Variants in CNTNAP2 observed in about 807,000 individuals in gnomAD.
CNTNAP2 encodes the protein contactin-associated protein-like 2.
In CNTNAP2, 98 loss-of-function variants were observed where a neutral mutation model predicts 155.2. The ratio of observed to expected loss-of-function variants is 0.63; its 90% CI spans 0.54 to 0.75. CNTNAP2 has a LOEUF of 0.75. CNTNAP2 is among the 30% of genes least tolerant of loss of function. The probability of loss-of-function intolerance (pLI) is 0.00; values close to 1 mark genes in which losing one functional copy is unlikely to be tolerated. For synonymous variants in CNTNAP2, 651 were observed against 631.2 expected, an observed-to-expected ratio of 1.03 and a Z score of -0.47; for missense variants, 1,727 against 1,688.1, an observed-to-expected ratio of 1.02 and a Z score of -0.40.
intron 15 of CNTNAP2, among the ~76,000 whole-genome samples, chr7:148,112,959 T>A (rs1461033724): frequency 6.6e-6 from 1 of 152,140 alleles, no homozygotes; most frequent in Non-Finnish European, 1.5e-5. Flanking sequence ...AGGGAACTGC[T>A]TTTTGCTTTA....
intron 1 of CNTNAP2, among the ~76,000 whole-genome samples, chr7:146,325,777 A>G (rs1285720383): frequency 2.0e-5 from 3 of 152,186 alleles, no homozygotes; most frequent in Non-Finnish European, 4.4e-5. Flanking sequence ...TCAATAAAAA[A>G]AAACTTTAAC....
intron 13 of CNTNAP2, among the ~76,000 whole-genome samples, chr7:147,738,716 G>A (rs1796901859): frequency 6.8e-6 from 1 of 146,272 alleles, no homozygotes; most frequent in Non-Finnish European, 1.5e-5. Flanking sequence ...GTGCAGTGGT[G>A]CAATCTTGGG....
At chr7:146,692,572 T>G (rs575784997) in intron 1 of CNTNAP2, among the ~76,000 whole-genome samples, 6 of 152,288 alleles carry the variant, frequency 3.9e-5, no homozygotes, top group African/African-American at 1.2e-4. Flanking sequence ...TTGATTGTGG[T>G]TAACAAAGAA....
intron 6 of CNTNAP2, chr7:147,122,470 T>C (rs958488632): frequency 2.0e-5 from 3 of 152,224 alleles, no homozygotes; most frequent in African/African-American, 4.8e-5. Context: ...TTTTATTTCA[T>C]TCTTAAACAA....
At chr7:148,253,930 T>C (rs948999043) in intron 20 of CNTNAP2, among the ~76,000 whole-genome samples, 4 of 152,150 alleles carry the variant, frequency 2.6e-5, no homozygotes, top group African/African-American at 9.7e-5. Context: ...CTGAGGAACC[T>C]GCATCTAGCA....
chr7:147,146,871 T>A (rs1311140070), intron 8 of CNTNAP2: 1 of 152,212 alleles, frequency 6.6e-6, no homozygotes, highest in Non-Finnish European at 1.5e-5. Flanking sequence ...TTATTAGCTT[T>A]ACTTTCTAAA....
intron 15 of CNTNAP2, chr7:148,013,125 T>C (rs1329389068): frequency 2.0e-5 from 3 of 152,192 alleles, no homozygotes; most frequent in South Asian, 4.1e-4. Flanking sequence ...GCTTATTAAA[T>C]GTACTTTCCT....
chr7:146,839,932 A>G lies in CNTNAP2; in HGVS notation c.402+28A>G, dbSNP rs370248969. On this transcript the variant is annotated intron_variant, in intron 3 of 23. Coordinates refer to ENST00000361727, the MANE Select transcript of CNTNAP2 (RefSeq NM_014141.6). ...AAGTCATTGGCAGGAAAGCAAAGAC[A>G]CAGAATTGGATTGGAAATATTAGAA... 8 of 1,610,972 alleles carry G rather than the reference A, an allele frequency of 5.0e-6. No individual in the cohort carries two copies. The African/African-American group carries it at 8.0e-5, about 16-fold the overall frequency.
intron 1 of CNTNAP2, among the ~76,000 whole-genome samples, chr7:146,282,813 G>T (rs1800271022): frequency 6.6e-6 from 1 of 152,170 alleles, no homozygotes; most frequent in African/African-American, 2.4e-5. Flanking sequence ...CAGAGTATTT[G>T]AAGTTTTGAA....
Position 148,415,713 on chromosome 7 carries a change from T to C in CNTNAP2, c.*97T>C. On this transcript the variant is annotated 3_prime_UTR_variant, in exon 24 of 24. Coordinates refer to ENST00000361727, the MANE Select transcript of CNTNAP2 (RefSeq NM_014141.6). ...TGCTTCATACTCTTGAGCACATCCT[T>C]AAAATATCAGCACAAGTTGGGGGAG... 7.2e-7 allele frequency: 1 copy of C among 1,380,806 alleles called. No homozygotes were observed. Among genetic ancestry groups the C allele is most frequent in the Non-Finnish European group, 1.0e-6 (1 of 982,314 alleles). 85.5% of individuals were successfully genotyped at this position (1,380,806 alleles called of 1,614,324 possible). A position where few individuals can be genotyped will look rare whatever the true frequency, so the allele number is the denominator to read the frequency against.
At chr7:146,916,213 G>T (rs568728795) in intron 3 of CNTNAP2, among the ~76,000 whole-genome samples, 2 of 151,934 alleles carry the variant, frequency 1.3e-5, no homozygotes, top group Admixed American at 1.3e-4. Flanking sequence ...TGTTGGACTT[G>T]GTTAGCTAGT....
chr7:146,812,459 T>TAC (rs1346913139), intron 2 of CNTNAP2, among the ~76,000 whole-genome samples: 2 of 147,662 alleles, frequency 1.4e-5, no homozygotes, highest in African/African-American at 4.9e-5. Flanking sequence ...TATATATATA[T>TAC]ATATTTATAC....
In CNTNAP2 at chr7:146,516,516, G is replaced by C. The variant is rs183573866; in HGVS notation, c.98-257755G>C. Among the ~76,000 whole-genome samples the C allele has an allele frequency of 4.2e-4, 64 of 152,124 alleles. 2 individuals carry two copies. In the East Asian group the frequency reaches 0.01, roughly 24 times the overall value. On this transcript the variant is annotated intron_variant, in intron 1 of 23. Transcript: ENST00000361727. ...GTCTGGGAATGGGCATTTTGCGGCA[G>C]TATTGAATTTTCATATGTTATAGTT...
chr7:147,457,004 G>A (rs1278875360), intron 10 of CNTNAP2, among the ~76,000 whole-genome samples: 2 of 152,132 alleles, frequency 1.3e-5, no homozygotes, highest in African/African-American at 4.8e-5. Flanking sequence ...CACATCTCTT[G>A]ATGAAAATCA....
At chr7:146,639,129 T>A (rs1033897904) in intron 1 of CNTNAP2, among the ~76,000 whole-genome samples, 5 of 152,218 alleles carry the variant, frequency 3.3e-5, no homozygotes, top group Non-Finnish European at 5.9e-5. Flanking sequence ...GCTGTATGCC[T>A]CAGGTGCCAA....
At chr7:146,205,638 C>T (rs951619595) in intron 1 of CNTNAP2, among the ~76,000 whole-genome samples, 3 of 151,594 alleles carry the variant, frequency 2.0e-5, no homozygotes, top group Non-Finnish European at 3.0e-5. Flanking sequence ...ATAAATAATT[C>T]CCCACACTCA....
chr7:147,101,087 T>C (rs1452042947), intron 4 of CNTNAP2, among the ~76,000 whole-genome samples: 4 of 151,814 alleles, frequency 2.6e-5, no homozygotes, highest in African/African-American at 9.7e-5. Context: ...CGAGGAAAGG[T>C]GCTATGTGAA....
intron 13 of CNTNAP2, among the ~76,000 whole-genome samples, chr7:147,880,536 A>G (rs557351810): frequency 6.6e-6 from 1 of 152,002 alleles, no homozygotes; most frequent in East Asian, 1.9e-4. Context: ...GAGACAGCAC[A>G]GAAAGCAGAA....
chr7:147,414,941 C>CAAAAAAAAAAAAAAAAA (rs67048724), intron 10 of CNTNAP2, among the ~76,000 whole-genome samples: 4 of 50,974 alleles, frequency 7.8e-5, no homozygotes, highest in African/African-American at 1.3e-4. Context: ...GACTCCTTCT[C>CAAAAAAAAAAAAAAAAA]AAAAAAAAAA....
Sources: gnomAD v4.1 joint callset for allele counts (sites outside exome capture counted in the v4.1 genomes callset) on GRCh38, gnomAD v4.1.1 for gene constraint, MANE v1.5 for transcripts, NCBI Gene and HGNC (gene_info 2026-07-23, HGNC 2026-07-21) for gene names.